GMDS: variants seen among roughly 807,000 people sequenced by gnomAD.
GMDS encodes the protein GDP-mannose 4,6-dehydratase.
Under a neutral mutation model 49.9 loss-of-function variants are expected in GMDS, and 20 were observed. The ratio of observed to expected loss-of-function variants is 0.40; its 90% confidence interval spans 0.28 to 0.58. The LOEUF (loss-of-function observed/expected upper bound fraction) is 0.58, where lower values mean the gene tolerates loss of function less well. Among genes scored for constraint, GMDS ranks in the 20% least tolerant of loss-of-function variants. GMDS has a pLI of 0.42. For missense variants in GMDS, 362 were observed against 481.4 expected (o/e 0.75, Z 2.32); for synonymous variants, 177 against 178.6 (o/e 0.99, Z 0.07).
At position 1,772,342 on chromosome 6, in the gene GMDS, A is replaced by G. The variant is rs139364924; in HGVS notation, c.772-29756T>C. Among the ~76,000 whole-genome samples the G allele has an allele frequency of 4.1e-3, 620 of 152,348 alleles. 4 individuals carry two copies. Among genetic ancestry groups the G allele is most frequent in the African/African-American group, 0.014 (590 of 41,586 alleles). Reference sequence around the variant, plus strand: ...TATGTGTGGAGAAATTCTGATGCACATAATTTCCTGAGTCCTTTCTTTTAA... The same window carrying G: ...TATGTGTGGAGAAATTCTGATGCACGTAATTTCCTGAGTCCTTTCTTTTAA... On this transcript the variant is annotated intron_variant, in intron 7 of 10. Coordinates refer to ENST00000380815, the MANE Select transcript of GMDS (RefSeq NM_001500.4).
chr6:1,702,820 C>T (rs1420618196), intron 9 of GMDS, among the ~76,000 whole-genome samples: 1 of 152,212 alleles, frequency 6.6e-6, no homozygotes, highest in Non-Finnish European at 1.5e-5. Flanking sequence ...TGACCCTAAC[C>T]TCAATCTGGG....
intron 4 of GMDS, among the ~76,000 whole-genome samples, chr6:2,009,246 C>A (rs1767394680): frequency 6.6e-6 from 1 of 152,154 alleles, no homozygotes; most frequent in Non-Finnish European, 1.5e-5. Context: ...TTTGGTTAAA[C>A]CATGAAGAAG....
chr6:1,750,194 C>CT (rs1249430336), intron 7 of GMDS, among the ~76,000 whole-genome samples: 1 of 152,098 alleles, frequency 6.6e-6, no homozygotes, highest in Non-Finnish European at 1.5e-5. Context: ...GAAGTTTCCT[C>CT]TTAACTTTAT....
chr6:1,783,726 TA>T (rs5873816), intron 7 of GMDS, among the ~76,000 whole-genome samples: 33,082 of 152,078 alleles, frequency 0.22, 3,766 homozygotes, highest in East Asian at 0.37. Flanking sequence ...CTACTGAAAA[TA>T]ACAAGGTAGA....
intron 7 of GMDS, among the ~76,000 whole-genome samples, chr6:1,843,439 T>G (rs1335303248): frequency 2.0e-5 from 3 of 151,960 alleles, no homozygotes; most frequent in Non-Finnish European, 4.4e-5. Flanking sequence ...AACAACAAAA[T>G]AAAAAAGACC....
At chr6:2,039,604 T>C (rs1484874737) in intron 4 of GMDS, among the ~76,000 whole-genome samples, 1 of 152,094 alleles carries the variant, frequency 6.6e-6, no homozygotes, top group Non-Finnish European at 1.5e-5. Context: ...AGATTTTTTG[T>C]TAGAAATGAA....
chr6:1,688,075 G>T (rs1424424125), intron 9 of GMDS, among the ~76,000 whole-genome samples: 2 of 152,192 alleles, frequency 1.3e-5, no homozygotes, highest in Non-Finnish European at 2.9e-5. Context: ...AGAGAGGATG[G>T]CGGCTTTGTT....
At chr6:1,861,487 G>A (rs1758179668) in intron 7 of GMDS, among the ~76,000 whole-genome samples, 1 of 152,040 alleles carries the variant, frequency 6.6e-6, no homozygotes, top group Non-Finnish European at 1.5e-5. Flanking sequence ...TTGATCAGGA[G>A]AGGCTGTTCC....
intron 4 of GMDS, among the ~76,000 whole-genome samples, chr6:2,062,215 C>T (rs1272768632): frequency 1.3e-5 from 2 of 152,122 alleles, no homozygotes; most frequent in Admixed American, 6.5e-5. Flanking sequence ...AAGCATCTAC[C>T]TGAGGCGCTG....
At chr6:2,165,789 G>T (rs1777639149) in intron 1 of GMDS, among the ~76,000 whole-genome samples, 1 of 152,074 alleles carries the variant, frequency 6.6e-6, no homozygotes, top group Non-Finnish European at 1.5e-5. Context: ...CATAAAGGAA[G>T]GAATCAAATT....
chr6:1,743,155 C>T (rs1319364609), intron 7 of GMDS, among the ~76,000 whole-genome samples: 1 of 152,094 alleles, frequency 6.6e-6, no homozygotes, highest in Non-Finnish European at 1.5e-5. Context: ...ATGGAGAGTA[C>T]TACTATTATA....
At chr6:1,624,739 TGTGCGGACCC>T in intron 9 of GMDS, 199 bp from the exon 10 acceptor site, 1 of 539,958 alleles carries the variant, frequency 1.9e-6, no homozygotes, top group East Asian at 3.3e-5. Flanking sequence ...AAGAATGTGC[TGTGCGGACCC>T]GTGAGGACCG....
chr6:1,956,561 T>C (rs1265501992), intron 6 of GMDS, among the ~76,000 whole-genome samples: 2 of 152,056 alleles, frequency 1.3e-5, no homozygotes, highest in Non-Finnish European at 2.9e-5. Flanking sequence ...AAATTCAGCA[T>C]GGGTGACTGG....
intron 4 of GMDS, among the ~76,000 whole-genome samples, chr6:1,961,916 C>T (rs555229210): frequency 6.6e-6 from 1 of 152,284 alleles, no homozygotes; most frequent in African/African-American, 2.4e-5. Context: ...ACCAGGGACC[C>T]TATTTAGACC....
At chr6:1,901,065 G>T (rs138497631) in intron 7 of GMDS, among the ~76,000 whole-genome samples, 1 of 152,220 alleles carries the variant, frequency 6.6e-6, no homozygotes, top group African/African-American at 2.4e-5. Context: ...ACGGCGAAGC[G>T]CTGGTAGCAG....
chr6:1,687,650 C>T (rs745832720), intron 9 of GMDS, among the ~76,000 whole-genome samples: 3 of 152,040 alleles, frequency 2.0e-5, no homozygotes, highest in Admixed American at 6.6e-5. Context: ...TCCATTCTAG[C>T]GGGAGGAGAG....
intron 6 of GMDS, among the ~76,000 whole-genome samples, chr6:1,947,016 A>C (rs770264518): frequency 5.3e-5 from 8 of 152,220 alleles, no homozygotes; most frequent in Non-Finnish European, 8.8e-5. Flanking sequence ...AAAGAAGTAG[A>C]TAGATCATTT....
chr6:1,643,354 A>AACGAACCCTGACTGCCC lies in GMDS; in HGVS notation c.988-18831_988-18815dup, dbSNP rs1323152995. Reference sequence around the variant, plus strand: ...TGCAATTTCCTTACGCCTTCCTGAAAACGAACCCTGACTGCCCACGGGGCA... The same window carrying AACGAACCCTGACTGCCC: ...TGCAATTTCCTTACGCCTTCCTGAAAACGAACCCTGACTGCCCACGAACCCTGACTGCCCACGGGGCA... On this transcript the variant is annotated intron_variant, in intron 9 of 10. Coordinates refer to ENST00000380815, the MANE Select transcript of GMDS (RefSeq NM_001500.4). Among the ~76,000 whole-genome samples the AACGAACCCTGACTGCCC allele has an allele frequency of 3.3e-5, 5 of 152,254 alleles. No homozygotes were observed. In the East Asian group the frequency reaches 9.7e-4, roughly 29 times the overall value.
chr6:1,925,049 G>C (rs1412416475), intron 7 of GMDS, among the ~76,000 whole-genome samples: 1 of 152,098 alleles, frequency 6.6e-6, no homozygotes, highest in African/African-American at 2.4e-5. Flanking sequence ...GTAGCTGTAA[G>C]CCATTAGCAC....
Sources: gnomAD v4.1 joint callset for allele counts (sites outside exome capture counted in the v4.1 genomes callset) on GRCh38, gnomAD v4.1.1 for gene constraint, MANE v1.5 for transcripts, NCBI Gene and HGNC (gene_info 2026-07-23, HGNC 2026-07-21) for gene names.